Variants in VTI1A observed in about 807,000 individuals in gnomAD.
VTI1A encodes the protein vesicle transport through interaction with t-SNAREs 1A.
Under a neutral mutation model 34.9 loss-of-function variants are expected in VTI1A, and 22 were observed. The observed-to-expected ratio is 0.63, with a 90% CI of 0.45 to 0.90. The LOEUF (loss-of-function observed/expected upper bound fraction) is 0.90. Ranked by LOEUF, VTI1A falls within the 40% of genes least tolerant of loss-of-function variation. VTI1A has a pLI of 0.00. For missense variants in VTI1A, 268 were observed against 275.6 expected (o/e 0.97, Z 0.20); for synonymous variants, 87 against 97.3 (o/e 0.89, Z 0.62).
At chr10:112,605,307 TA>T (rs745417746) in intron 5 of VTI1A, among the ~76,000 whole-genome samples, 2 of 152,172 alleles carry the variant, frequency 1.3e-5, no homozygotes, top group Non-Finnish European at 2.9e-5. Context: ...AACCACACTG[TA>T]CTGTAAGAAC....
intron 7 of VTI1A, among the ~76,000 whole-genome samples, chr10:112,770,785 T>G (rs192754227): frequency 6.6e-6 from 1 of 152,066 alleles, no homozygotes; most frequent in African/African-American, 2.4e-5. Flanking sequence ...TGTAGAAATA[T>G]CTCCTTAAAA....
intron 7 of VTI1A, among the ~76,000 whole-genome samples, chr10:112,714,379 G>A (rs531905354): frequency 1.3e-5 from 2 of 152,218 alleles, no homozygotes; most frequent in South Asian, 4.1e-4. Context: ...TTATAAACTT[G>A]TTGGCTTATT....
chr10:112,601,235 A>G (rs910530826), intron 5 of VTI1A, among the ~76,000 whole-genome samples: 6 of 152,150 alleles, frequency 3.9e-5, no homozygotes, highest in Non-Finnish European at 8.8e-5. Context: ...AAACAAAGGT[A>G]CAGAGGCAGA....
At chr10:112,830,942 C>T in the VTI1A span, among the ~76,000 whole-genome samples, 2 of 148,830 alleles carry the variant, frequency 1.3e-5, no homozygotes, top group African/African-American at 2.5e-5. Context: ...TTTGACCCCC[C>T]AGGCTCAGGT....
At chr10:112,518,232 G>A (rs1849859695) in intron 3 of VTI1A, among the ~76,000 whole-genome samples, 1 of 151,962 alleles carries the variant, frequency 6.6e-6, no homozygotes, top group African/African-American at 2.4e-5. Flanking sequence ...CATTTATGCT[G>A]GAGGTTGCAA....
intron 3 of VTI1A, among the ~76,000 whole-genome samples, chr10:112,501,353 A>ATAAGTGAAATTCCAATATTTCTGGTCT (rs1307842490): frequency 9.0e-4 from 137 of 152,308 alleles, no homozygotes; most frequent in African/African-American, 3.2e-3. Context: ...TTTCAGTTTT[A>ATAAGTGAAATTCCAATATTTCTGGTCT]TAAGTGAAAT....
intron 7 of VTI1A, among the ~76,000 whole-genome samples, chr10:112,782,139 A>G (rs533515411): frequency 1.3e-5 from 2 of 152,386 alleles, no homozygotes; most frequent in East Asian, 3.9e-4. Flanking sequence ...AAGCTCTGTG[A>G]GGACAGGGAC....
At chr10:112,530,598 AAG>A (rs1159032253) in intron 4 of VTI1A, among the ~76,000 whole-genome samples, 4 of 152,210 alleles carry the variant, frequency 2.6e-5, no homozygotes, top group Non-Finnish European at 5.9e-5. Flanking sequence ...TCCTAAATAG[AAG>A]ATTCAAAATA....
intron 7 of VTI1A, among the ~76,000 whole-genome samples, chr10:112,789,685 T>A (rs1352546981): frequency 6.6e-6 from 1 of 152,210 alleles, no homozygotes; most frequent in African/African-American, 2.4e-5. Flanking sequence ...ATAATTCCTC[T>A]TCATTTCATT....
intron 4 of VTI1A, among the ~76,000 whole-genome samples, chr10:112,528,955 A>T (rs780614598): frequency 6.6e-6 from 1 of 152,090 alleles, no homozygotes. Context: ...TATGATTTTT[A>T]TGCCTAAAGA....
intron 7 of VTI1A, among the ~76,000 whole-genome samples, chr10:112,756,801 A>G (rs1387054209): frequency 1.3e-5 from 2 of 152,178 alleles, no homozygotes; most frequent in Non-Finnish European, 2.9e-5. Context: ...TAATCCTAGC[A>G]CTTTAGGAGG....
At chr10:112,640,466 T>A (rs1400573443) in intron 5 of VTI1A, among the ~76,000 whole-genome samples, 1 of 151,762 alleles carries the variant, frequency 6.6e-6, no homozygotes, top group South Asian at 2.1e-4. Flanking sequence ...GGAGGAAGAG[T>A]GGACCAGCTC....
At chr10:112,702,857 A>T (rs1325170461) in intron 7 of VTI1A, among the ~76,000 whole-genome samples, 1 of 152,178 alleles carries the variant, frequency 6.6e-6, no homozygotes, top group African/African-American at 2.4e-5. Context: ...AAGTGCTGGG[A>T]TTATAGGTGT....
intron 1 of VTI1A, among the ~76,000 whole-genome samples, chr10:112,454,383 C>T (rs1273230421): frequency 6.6e-6 from 1 of 152,040 alleles, no homozygotes; most frequent in East Asian, 1.9e-4. Flanking sequence ...TCACTTGAGC[C>T]CAGGAGCTCA....
chr10:112,833,617 A>T, the VTI1A span, among the ~76,000 whole-genome samples: 2 of 152,170 alleles, frequency 1.3e-5, no homozygotes, highest in African/African-American at 4.8e-5. Flanking sequence ...TTACGATGCA[A>T]ATACCTTTGC....
intron 5 of VTI1A, among the ~76,000 whole-genome samples, chr10:112,560,770 T>C (rs1851698951): frequency 6.6e-6 from 1 of 152,132 alleles, no homozygotes; most frequent in Non-Finnish European, 1.5e-5. Flanking sequence ...CTAATTTTTG[T>C]ATTTTTAGTA....
intron 5 of VTI1A, among the ~76,000 whole-genome samples, chr10:112,575,780 C>T (rs1226477061): frequency 6.6e-6 from 1 of 152,142 alleles, no homozygotes; most frequent in Non-Finnish European, 1.5e-5. Context: ...ATTTTCTCAG[C>T]AGCATTGGAG....
intron 5 of VTI1A, among the ~76,000 whole-genome samples, chr10:112,561,049 A>G (rs1383056356): frequency 6.6e-6 from 1 of 152,182 alleles, no homozygotes; most frequent in Non-Finnish European, 1.5e-5. Context: ...AATTCTTAAT[A>G]CATTCAAGTG....
In VTI1A at chr10:112,551,838, C is replaced by T. The variant is rs146345555; in HGVS notation, c.427+13508C>T. ...GCAAAGCCAGGCTTTGGGGCAAATA[C>T]ATGGCTTATGAGAATTCCTGGGGGG... On this transcript the variant is annotated intron_variant, in intron 5 of 7. Coordinates refer to ENST00000393077, the MANE Select transcript of VTI1A (RefSeq NM_145206.4). Among the ~76,000 whole-genome samples the T allele has an allele frequency of 3.2e-4, 48 of 152,270 alleles. 1 individual carries two copies. Among genetic ancestry groups the T allele is most frequent in the Admixed American group, 2.6e-3 (40 of 15,294 alleles).
Sources: allele counts gnomAD v4.1 joint callset (sites outside exome capture counted in the v4.1 genomes callset), GRCh38; gene constraint gnomAD v4.1.1; transcripts MANE v1.5; gene names NCBI Gene and HGNC (gene_info 2026-07-23, HGNC 2026-07-21).